Variants in OSBPL10 observed in about 807,000 individuals in gnomAD.
OSBPL10 encodes oxysterol binding protein like 10.
OSBPL10 carries 49 observed loss-of-function variants against 81.7 expected under a neutral mutation model. That is an observed-to-expected ratio of 0.60 (90% confidence interval 0.48 to 0.76). The LOEUF (loss-of-function observed/expected upper bound fraction) is 0.76, where lower values mean the gene tolerates loss of function less well. Ranked by LOEUF, OSBPL10 falls within the 30% of genes least tolerant of loss-of-function variation. The probability of loss-of-function intolerance (pLI) is 0.00; values close to 1 mark genes in which losing one functional copy is unlikely to be tolerated. For missense variants in OSBPL10, 923 were observed against 987.8 expected (o/e 0.93, Z 0.88); for synonymous variants, 419 against 383.6 (o/e 1.09, Z -1.08).
intron 6 of OSBPL10, among the ~76,000 whole-genome samples, chr3:31,720,279 A>G (rs1696593210): frequency 6.6e-6 from 1 of 152,152 alleles, no homozygotes; most frequent in African/African-American, 2.4e-5. Context: ...CACGAACTGT[A>G]GAAACTGTAA....
Position 31,989,739 on chromosome 3 carries a change from A to C in OSBPL10, n.298+56752T>G, listed in dbSNP as rs779798510. Reference sequence around the variant, plus strand: ...TCCATTCATCATTACTCACACTAAAACAGGAAGTACACATAAGAGAAAAAT... The same window carrying C: ...TCCATTCATCATTACTCACACTAAACCAGGAAGTACACATAAGAGAAAAAT... On this transcript the variant is annotated intron_variant and non_coding_transcript_variant, in intron 2 of 3. Transcript: ENST00000479173. The C allele has an allele frequency of 1.1e-5, 18 of 1,614,028 alleles. No homozygotes were observed. In the African/African-American group the frequency reaches 2.0e-4, roughly 18 times the overall value.
In OSBPL10 at chr3:31,662,226, C is replaced by T. The variant is rs958761000; in HGVS notation, c.2251-110G>A. ...GTGTCTGCCGTGTCTTAATACCTCA[C>T]ACGCAGGCCAGGCTGCTGGCCTCAG... On this transcript the variant is annotated intron_variant, in intron 11 of 11. Coordinates refer to ENST00000396556, the MANE Select transcript of OSBPL10 (RefSeq NM_017784.5). 54 of 1,562,964 alleles carry T rather than the reference C, an allele frequency of 3.5e-5. No individual in the cohort carries two copies. In the African/African-American group the frequency reaches 6.8e-4, roughly 20 times the overall value.
chr3:31,683,134 C>G (rs1575472905), intron 8 of OSBPL10, among the ~76,000 whole-genome samples: 1 of 152,202 alleles, frequency 6.6e-6, no homozygotes, highest in Non-Finnish European at 1.5e-5. Flanking sequence ...GTGTGATCCA[C>G]CAGTGGCGTG....
At chr3:31,999,985 T>C (rs765932625) in intron 2 of OSBPL10, among the ~76,000 whole-genome samples, 1 of 152,144 alleles carries the variant, frequency 6.6e-6, no homozygotes, top group Non-Finnish European at 1.5e-5. Flanking sequence ...AAATATCTAG[T>C]GGTGCGGCCT....
chr3:31,897,176 A>C (rs1445598186), intron 1 of OSBPL10, among the ~76,000 whole-genome samples: 1 of 152,224 alleles, frequency 6.6e-6, no homozygotes, highest in African/African-American at 2.4e-5. Context: ...AGTTAGCCTC[A>C]GCAAACCAGC....
intron 1 of OSBPL10, among the ~76,000 whole-genome samples, chr3:31,969,026 G>C (rs1043322916): frequency 6.6e-6 from 1 of 152,206 alleles, no homozygotes; most frequent in Non-Finnish European, 1.5e-5. Flanking sequence ...CACTAAATGA[G>C]TCTGCTGCAG....
At chr3:31,925,310 C>A (rs1224474564) in intron 1 of OSBPL10, among the ~76,000 whole-genome samples, 1 of 152,042 alleles carries the variant, frequency 6.6e-6, no homozygotes, top group Non-Finnish European at 1.5e-5. Flanking sequence ...CCCTCCACGA[C>A]CCTCCACAAT....
chr3:31,917,926 G>A (rs917843067), intron 1 of OSBPL10, among the ~76,000 whole-genome samples: 7 of 151,680 alleles, frequency 4.6e-5, no homozygotes, highest in African/African-American at 1.5e-4. Context: ...TTTAAGTGGT[G>A]CTAACAGCCT....
chr3:31,793,124 C>T (rs1264537994), intron 4 of OSBPL10, among the ~76,000 whole-genome samples: 5 of 152,124 alleles, frequency 3.3e-5, no homozygotes, highest in South Asian at 2.1e-4. Context: ...TTTATATTCA[C>T]GAACCAACCA....
intron 1 of OSBPL10, among the ~76,000 whole-genome samples, chr3:31,902,316 G>A (rs6799521): frequency 0.095 from 13,869 of 146,372 alleles, 854 homozygotes; most frequent in African/African-American, 0.17. Context: ...AGGCTGAAGC[G>A]CAGTGGCACC....
chr3:31,766,731 G>A (rs760826111), intron 4 of OSBPL10, among the ~76,000 whole-genome samples: 5 of 152,122 alleles, frequency 3.3e-5, no homozygotes, highest in Non-Finnish European at 5.9e-5. Flanking sequence ...AGGTCAACTG[G>A]AACATCAGTT....
chr3:31,959,607 G>A lies in OSBPL10; in HGVS notation c.281+21292C>T, dbSNP rs186734961. The stretch of plus-strand genomic sequence containing the variant: ...ATCAGCTAGATAATGAGAAGCCAGC[G>A]GGTATTCTTTGCTATATAACAAAAC... On this transcript the variant is annotated intron_variant, in intron 1 of 11. Transcript: ENST00000396556. Among the ~76,000 whole-genome samples the A allele has an allele frequency of 2.6e-5, 4 of 152,264 alleles. No individual in the cohort carries two copies. In the East Asian group the frequency reaches 7.7e-4, roughly 29 times the overall value.
At chr3:31,960,902 C>T (rs1575062214) in intron 1 of OSBPL10, among the ~76,000 whole-genome samples, 1 of 152,134 alleles carries the variant, frequency 6.6e-6, no homozygotes, top group East Asian at 1.9e-4. Flanking sequence ...AAATAGATTA[C>T]AAGGTCTAAA....
intron 3 of OSBPL10, among the ~76,000 whole-genome samples, chr3:31,837,700 A>C (rs989265792): frequency 2.6e-5 from 4 of 151,832 alleles, no homozygotes; most frequent in Non-Finnish European, 4.4e-5. Flanking sequence ...ATATATGATG[A>C]ATTTAGAAAA....
chr3:31,857,874 G>C (rs1474776355), intron 3 of OSBPL10, among the ~76,000 whole-genome samples: 1 of 137,256 alleles, frequency 7.3e-6, no homozygotes, highest in East Asian at 2.3e-4. Flanking sequence ...GAGGGAGAGG[G>C]AAAGGGGGGG....
intron 4 of OSBPL10, among the ~76,000 whole-genome samples, chr3:31,814,350 C>T (rs1699780089): frequency 6.6e-6 from 1 of 151,710 alleles, no homozygotes; most frequent in Non-Finnish European, 1.5e-5. Flanking sequence ...ACTGAGTTCA[C>T]TCTGCAGTCC....
intron 1 of OSBPL10, among the ~76,000 whole-genome samples, chr3:31,959,673 T>C (rs1325927424): frequency 1.3e-5 from 2 of 151,564 alleles, no homozygotes; most frequent in Non-Finnish European, 2.9e-5. Flanking sequence ...CTTTCTGGAG[T>C]TTTTCCAAAA....
intron 8 of OSBPL10, among the ~76,000 whole-genome samples, chr3:31,671,688 AG>A (rs1412456494): frequency 6.6e-6 from 1 of 152,210 alleles, no homozygotes; most frequent in Non-Finnish European, 1.5e-5. Context: ...TTCCAGAGAA[AG>A]GGTTCTCCAA....
At chr3:31,699,105 A>T (rs1487285985) in intron 7 of OSBPL10, among the ~76,000 whole-genome samples, 5 of 152,218 alleles carry the variant, frequency 3.3e-5, no homozygotes, top group East Asian at 1.9e-4. Context: ...AAAACTAGGT[A>T]AAAATGGTCC....
Sources: gnomAD v4.1 joint callset for allele counts (sites outside exome capture counted in the v4.1 genomes callset) on GRCh38, gnomAD v4.1.1 for gene constraint, MANE v1.5 for transcripts, NCBI Gene and HGNC (gene_info 2026-07-23, HGNC 2026-07-21) for gene names.